The following BABAM2 variants were observed in gnomAD, a reference collection of about 807,000 sequenced individuals.
BABAM2 encodes the protein BRISC and BRCA1 A complex member 2.
In BABAM2, 31 loss-of-function variants were observed where a neutral mutation model predicts 54.7. The ratio of observed to expected loss-of-function variants is 0.57; its 90% CI spans 0.43 to 0.77. The LOEUF (loss-of-function observed/expected upper bound fraction) is 0.77, where lower values mean the gene tolerates loss of function less well. Among genes scored for constraint, BABAM2 ranks in the 30% least tolerant of loss-of-function variants. BABAM2 has a pLI of 0.00. For missense variants in BABAM2, 364 were observed against 455.8 expected (o/e 0.80, Z 1.83); for synonymous variants, 167 against 162.9 (o/e 1.03, Z -0.19).
Position 28,067,090 on chromosome 2 carries a change from C to G in BABAM2, c.570+21291C>G, listed in dbSNP as rs1231143892. Reference sequence around the variant, plus strand: ...GGGATTACAGGCATGTGCCACCACGCCCGGCTAATTTTTGTATTTTTAGTA... The same window carrying G: ...GGGATTACAGGCATGTGCCACCACGGCCGGCTAATTTTTGTATTTTTAGTA... On this transcript the variant is annotated intron_variant, in intron 6 of 11. Transcript: ENST00000379624. Among the ~76,000 whole-genome samples, 6 of 152,272 alleles carry G rather than the reference C, an allele frequency of 3.9e-5. No individual in the cohort carries two copies. The East Asian group carries it at 7.7e-4, about 20-fold the overall frequency.
intron 3 of BABAM2, among the ~76,000 whole-genome samples, chr2:27,932,587 C>T (rs1410016570): frequency 1.3e-5 from 2 of 152,202 alleles, no homozygotes; most frequent in African/African-American, 4.8e-5. Flanking sequence ...ACTGCTCTAG[C>T]TCTCCTCAAA....
At position 28,322,615 on chromosome 2, in the gene BABAM2, T is replaced by G. The variant is rs1690114054; in HGVS notation, c.1089-15835T>G. ...TAGCACCAAATGAGTGGCTCAACAGTTCGTGTTGTGGAGCTTCAGAGGCAG... is the reference window on the plus strand; with the variant it reads ...TAGCACCAAATGAGTGGCTCAACAGGTCGTGTTGTGGAGCTTCAGAGGCAG... On this transcript the variant is annotated intron_variant, in intron 11 of 11. Coordinates refer to ENST00000379624, the MANE Select transcript of BABAM2 (RefSeq NM_199191.3). This position sits in a 1 kb window ranked among gnomAD's most constrained non-coding sequence, Gnocchi z 4.1. 6.6e-6 allele frequency among the ~76,000 whole-genome samples: 1 copy of G among 152,048 alleles called. No individual in the cohort carries two copies. Among genetic ancestry groups the G allele is most frequent in the Non-Finnish European group, 1.5e-5 (1 of 67,996 alleles).
At chr2:28,295,996 C>T (rs1033471785) in intron 10 of BABAM2, among the ~76,000 whole-genome samples, 2 of 152,122 alleles carry the variant, frequency 1.3e-5, no homozygotes, top group African/African-American at 4.8e-5. Flanking sequence ...GTAATCCCGG[C>T]TACTTGGGAG....
chr2:28,325,869 T>C lies in BABAM2; in HGVS notation c.1089-12581T>C, dbSNP rs1690403725. Among the ~76,000 whole-genome samples, 10 of 152,286 alleles carry C rather than the reference T, an allele frequency of 6.6e-5. No individual in the cohort carries two copies. In the South Asian group the frequency reaches 1.9e-3, roughly 28 times the overall value. ...GAGATCTGGTGGAAGAAAGTGAACT[T>C]ACAACCAGGCAAATAACACTTCAAA... On this transcript the variant is annotated intron_variant, in intron 11 of 11. Coordinates refer to ENST00000379624, the MANE Select transcript of BABAM2 (RefSeq NM_199191.3). This position sits in a 1 kb window ranked among gnomAD's most constrained non-coding sequence, Gnocchi z 4.3.
chr2:28,327,732 T>C lies in BABAM2; in HGVS notation c.1089-10718T>C, dbSNP rs552842751. Among the ~76,000 whole-genome samples the C allele has an allele frequency of 4.5e-4, 68 of 152,206 alleles. 1 individual carries two copies. The highest frequency in any genetic ancestry group is 1.6e-3 in the African/African-American group (68 of 41,530). On this transcript the variant is annotated intron_variant, in intron 11 of 11. Transcript: ENST00000379624. ...GCTGTGGAATCGAGTAGAGGGGAGA[T>C]TGATTCCAGCTGAGGGCAAGGGCCT...
chr2:27,949,648 A>G (rs1438684339), intron 3 of BABAM2, among the ~76,000 whole-genome samples: 4 of 152,180 alleles, frequency 2.6e-5, no homozygotes, highest in Non-Finnish European at 5.9e-5. Flanking sequence ...AGAACTGGGG[A>G]TGGAAGAAGA....
chr2:28,060,100 A>G (rs1447736354), intron 6 of BABAM2, among the ~76,000 whole-genome samples: 2 of 152,228 alleles, frequency 1.3e-5, no homozygotes, highest in Non-Finnish European at 1.5e-5. Flanking sequence ...AATATTTGAA[A>G]TAAAATTTTA....
At chr2:27,968,721 G>A (rs1314250545) in intron 3 of BABAM2, among the ~76,000 whole-genome samples, 4 of 152,222 alleles carry the variant, frequency 2.6e-5, no homozygotes, top group Non-Finnish European at 4.4e-5. Flanking sequence ...CCAAGACCAT[G>A]GGAATCCACC....
chr2:28,294,916 T>G (rs527434157), intron 10 of BABAM2, among the ~76,000 whole-genome samples: 106 of 152,358 alleles, frequency 7.0e-4, no homozygotes, highest in Non-Finnish European at 1.1e-3. Context: ...AATTTTAATA[T>G]TGGCTTCAAT....
intron 3 of BABAM2, among the ~76,000 whole-genome samples, chr2:27,957,348 A>AT (rs923734615): frequency 3.3e-5 from 5 of 151,796 alleles, no homozygotes; most frequent in Non-Finnish European, 7.4e-5. Flanking sequence ...GATGGCCTCC[A>AT]TTTTTTTTGG....
At chr2:28,008,803 A>T (rs1285730152) in intron 4 of BABAM2, among the ~76,000 whole-genome samples, 1 of 152,124 alleles carries the variant, frequency 6.6e-6, no homozygotes, top group African/African-American at 2.4e-5. Flanking sequence ...AGATGAAAGG[A>T]TCAAGTTTAG....
intron 6 of BABAM2, among the ~76,000 whole-genome samples, chr2:28,120,840 A>T (rs924274306): frequency 6.6e-6 from 1 of 152,232 alleles, no homozygotes; most frequent in Non-Finnish European, 1.5e-5. Context: ...GGAGCAAGTG[A>T]ATTTACAAAA....
chr2:28,313,165 C>G (rs1432816162), intron 11 of BABAM2, among the ~76,000 whole-genome samples: 1 of 152,178 alleles, frequency 6.6e-6, no homozygotes, highest in African/African-American at 2.4e-5. Flanking sequence ...ATGGGGAAAA[C>G]CCAGGGTGTT....
chr2:28,081,761 A>G (rs1021637207), intron 6 of BABAM2, among the ~76,000 whole-genome samples: 3 of 152,184 alleles, frequency 2.0e-5, no homozygotes, highest in Admixed American at 2.0e-4. Flanking sequence ...AAAGAGGCCC[A>G]TAATTTCTTT....
chr2:28,226,867 C>T (rs894203517), intron 7 of BABAM2, among the ~76,000 whole-genome samples: 1 of 151,232 alleles, frequency 6.6e-6, no homozygotes, highest in Non-Finnish European at 1.5e-5. Context: ...GCCTCTTAGG[C>T]CAACCAGGCC....
intron 5 of BABAM2, among the ~76,000 whole-genome samples, chr2:28,034,912 A>G (rs1247306676): frequency 6.6e-6 from 1 of 152,092 alleles, no homozygotes; most frequent in Non-Finnish European, 1.5e-5. Flanking sequence ...GTTTACCTTA[A>G]TGTCGGGATT....
intron 4 of BABAM2, among the ~76,000 whole-genome samples, chr2:28,009,991 G>A (rs1054619284): frequency 6.6e-6 from 1 of 152,132 alleles, no homozygotes; most frequent in East Asian, 1.9e-4. Flanking sequence ...GGACTGTGAA[G>A]CCAGTGAAGG....
chr2:28,313,818 C>A (rs1238765820), intron 11 of BABAM2, among the ~76,000 whole-genome samples: 1 of 152,160 alleles, frequency 6.6e-6, no homozygotes, highest in Non-Finnish European at 1.5e-5. Flanking sequence ...AACTCAAAGC[C>A]TACTGATTGA....
chr2:28,242,294 G>T (rs147920278), intron 9 of BABAM2, among the ~76,000 whole-genome samples: 1 of 152,186 alleles, frequency 6.6e-6, no homozygotes, highest in South Asian at 2.1e-4. Context: ...AGCAAGCACC[G>T]ATAGGGGAGA....
Sources: gnomAD v4.1 joint callset for allele counts (sites outside exome capture counted in the v4.1 genomes callset) on GRCh38, gnomAD v4.1.1 for gene constraint, Gnocchi (gnomAD v3.1) non-coding constraint, MANE v1.5 for transcripts, NCBI Gene and HGNC (gene_info 2026-07-23, HGNC 2026-07-21) for gene names.